The following GLB1L2 variants were observed in gnomAD, a reference collection of about 807,000 sequenced individuals.
The protein encoded by GLB1L2 is beta-galactosidase-1-like protein 2.
Under a neutral mutation model 84.1 loss-of-function variants are expected in GLB1L2, and 68 were observed. That is an observed-to-expected ratio of 0.81 (90% CI 0.67 to 0.99). GLB1L2 has a LOEUF of 0.99. Ranked by LOEUF, GLB1L2 falls within the 50% of genes least tolerant of loss-of-function variation. The probability of loss-of-function intolerance (pLI) is 0.00; values close to 1 mark genes in which losing one functional copy is unlikely to be tolerated. For missense variants in GLB1L2, 762 were observed against 805.6 expected, an observed-to-expected ratio of 0.95 and a Z score of 0.66; for synonymous variants, 290 against 318.0, an observed-to-expected ratio of 0.91 and a Z score of 0.94.
intron 6 of GLB1L2, among the ~76,000 whole-genome samples, chr11:134,357,682 G>A (rs1004756042): frequency 2.6e-5 from 4 of 152,220 alleles, no homozygotes; most frequent in Non-Finnish European, 5.9e-5. Flanking sequence ...GTGTCGGGGC[G>A]GAGGCGCCCA....
At chr11:134,373,919 TC>T in intron 16 of GLB1L2, 111 bp downstream of exon 16, 1 of 848,724 alleles carries the variant, frequency 1.2e-6, no homozygotes, top group Non-Finnish European at 1.9e-6. Context: ...TGTGAACGCC[TC>T]CAGGGGCCAG....
At chr11:134,358,220 T>A (rs189317514) in intron 6 of GLB1L2, among the ~76,000 whole-genome samples, 13 of 152,362 alleles carry the variant, frequency 8.5e-5, no homozygotes, top group African/African-American at 3.1e-4. Flanking sequence ...TCTGTTGGGA[T>A]TTTTGATCCA....
intron 1 of GLB1L2, among the ~76,000 whole-genome samples, chr11:134,340,578 G>A (rs1009577747): frequency 6.6e-6 from 1 of 152,210 alleles, no homozygotes; most frequent in Admixed American, 6.5e-5. Context: ...AGCAGAGCAG[G>A]GGGCACCAAA....
intron 9 of GLB1L2, among the ~76,000 whole-genome samples, chr11:134,368,342 T>G (rs887642326): frequency 6.6e-6 from 1 of 152,222 alleles, no homozygotes; most frequent in African/African-American, 2.4e-5. Flanking sequence ...ACATGGAGAC[T>G]GTGCTGGCTG....
At chr11:134,345,260 C>G (rs771140333) in intron 4 of GLB1L2, 131 bp downstream of exon 4, 95 of 1,149,870 alleles carry the variant, frequency 8.3e-5, no homozygotes, top group Non-Finnish European at 1.1e-4. Flanking sequence ...ACTGAATTTC[C>G]TTTTCAGGAA....
intron 1 of GLB1L2, among the ~76,000 whole-genome samples, chr11:134,340,791 T>C (rs1042016619): frequency 2.6e-5 from 4 of 152,256 alleles, no homozygotes; most frequent in African/African-American, 9.6e-5. Flanking sequence ...AATACAATGA[T>C]TTATGAACAC....
intron 4 of GLB1L2, among the ~76,000 whole-genome samples, chr11:134,345,422 C>A (rs1482740277): frequency 6.6e-6 from 1 of 152,214 alleles, no homozygotes; most frequent in Non-Finnish European, 1.5e-5. Flanking sequence ...TGAGTCCTGG[C>A]AGGTCATTCA....
intron 7 of GLB1L2, among the ~76,000 whole-genome samples, chr11:134,362,505 C>T (rs79250858): frequency 0.044 from 6,690 of 152,330 alleles, 200 homozygotes; most frequent in South Asian, 0.087. Context: ...GTTCTTCCCC[C>T]TGGGATGACT....
At position 134,375,029 on chromosome 11, in the gene GLB1L2, C is replaced by G. The variant is rs369197018; in HGVS notation, c.1882C>G (p.His628Asp). The G allele has an allele frequency of 3.1e-6, 5 of 1,613,884 alleles. No individual in the cohort carries two copies. The highest frequency in any genetic ancestry group is 2.2e-5 in the East Asian group (1 of 44,880). Residue 628 changes from histidine (H) to aspartate (D), a missense_variant, in exon 19 of 19, where the codon CAC becomes GAC. By Grantham distance (81) the His-to-Asp change is moderately conservative. Around this residue, in one of 3 missense-constraint regions of GLB1L2, gnomAD observed 603 missense variants for 611.7 expected, o/e 0.99. Transcript: ENST00000535456. Reference sequence around the variant, plus strand: ...TGCATTACAGTTCACGGAAACCCCCCACCTGGGCAGGAACCAGTACATTAA... The same window carrying G: ...TGCATTACAGTTCACGGAAACCCCCGACCTGGGCAGGAACCAGTACATTAA... ...GPALQFTETP[H>D]LGRNQYIK
intron 5 of GLB1L2, among the ~76,000 whole-genome samples, chr11:134,350,875 G>T (rs1264715861): frequency 6.6e-6 from 1 of 152,202 alleles, no homozygotes; most frequent in Non-Finnish European, 1.5e-5. Flanking sequence ...TTTGCACATT[G>T]ATTTTTTTTA....
In GLB1L2 at chr11:134,366,809, C is replaced by T. The variant is rs536972793; in HGVS notation, c.805-448C>T. Among the ~76,000 whole-genome samples the T allele has an allele frequency of 1.6e-4, 24 of 147,814 alleles. No homozygotes were observed. The East Asian group carries it at 4.8e-3, about 30-fold the overall frequency. On this transcript the variant is annotated intron_variant, in intron 8 of 18. Coordinates refer to ENST00000535456, the MANE Select transcript of GLB1L2 (RefSeq NM_001370461.1). The stretch of plus-strand genomic sequence containing the variant: ...TGAGTTGGACCTTGAAGAGGGCCCA[C>T]TCTGCAGCGTCTGATTTTTCTGCTA...
chr11:134,368,700 A>G lies in GLB1L2; in HGVS notation c.946A>G (p.Met316Val), dbSNP rs748245997. 3.7e-6 allele frequency: 6 copies of G among 1,613,926 alleles called. No individual in the cohort carries two copies. The highest frequency in any genetic ancestry group is 1.1e-5 in the South Asian group (1 of 91,084). Residue 316 changes from methionine (M) to valine (V), a missense_variant, in exon 10 of 19, where the codon ATG becomes GTG. By Grantham distance (21) the Met-to-Val change is conservative (BLOSUM62 1). This residue lies in a region of GLB1L2 where 603 missense variants were observed against 611.7 expected (regional missense o/e 0.99). Transcript: ENST00000535456. ...VDAGSSINLY[M>V]FHGGTNFGFM... Reference sequence around the variant, plus strand: ...CGCCGGCTCCTCCATCAACCTCTACATGTTCCACGGAGGCACCAACTTTGG... The same window carrying G: ...CGCCGGCTCCTCCATCAACCTCTACGTGTTCCACGGAGGCACCAACTTTGG...
intron 7 of GLB1L2, 89 bp downstream of exon 7, chr11:134,359,230 G>T: frequency 1.2e-6 from 1 of 836,550 alleles, no homozygotes; most frequent in Non-Finnish European, 1.9e-6. Flanking sequence ...ACCCAAGTAG[G>T]AGTTTCTCTG....
intron 9 of GLB1L2, among the ~76,000 whole-genome samples, chr11:134,368,369 C>T (rs1943893121): frequency 6.6e-6 from 1 of 152,206 alleles, no homozygotes; most frequent in African/African-American, 2.4e-5. Flanking sequence ...CCTGGCCGAC[C>T]TGGGCTGCAG....
chr11:134,367,189 C>G, intron 8 of GLB1L2, 68 bp from the exon 9 acceptor site: 1 of 1,300,196 alleles, frequency 7.7e-7, no homozygotes, highest in African/African-American at 1.5e-5. Context: ...GGGCTCCCCT[C>G]CATGAAGAGC....
chr11:134,336,975 C>T (rs1302178447), intron 1 of GLB1L2, among the ~76,000 whole-genome samples: 4 of 152,102 alleles, frequency 2.6e-5, no homozygotes, highest in Admixed American at 6.5e-5. Context: ...AATGTTAGAA[C>T]ACTTTTTGTT....
intron 8 of GLB1L2, chr11:134,364,620 G>T (rs1427603977): frequency 3.8e-6 from 2 of 530,132 alleles, no homozygotes; most frequent in African/African-American, 3.8e-5. Flanking sequence ...ATCACCCACT[G>T]CCCTGAGAGA....
At chr11:134,374,819 C>T in intron 18 of GLB1L2, 101 bp downstream of exon 18, 1 of 1,150,888 alleles carries the variant, frequency 8.7e-7, no homozygotes, top group East Asian at 2.4e-5. Context: ...GCGGGTTCTT[C>T]CTCCCTCCTC....
intron 7 of GLB1L2, chr11:134,361,251 G>A (rs1943783689): frequency 6.6e-6 from 1 of 152,272 alleles, no homozygotes; most frequent in East Asian, 1.9e-4. Context: ...GCTTGAATGT[G>A]AGAGGCAGAG....
Sources: gnomAD v4.1 joint callset for allele counts (sites outside exome capture counted in the v4.1 genomes callset) on GRCh38, gnomAD v4.1.1 for gene constraint, gnomAD v4.1.1 regional missense constraint, MANE v1.5 for transcripts, NCBI Gene and HGNC (gene_info 2026-07-23, HGNC 2026-07-21) for gene names.